Variants in NAALADL2 observed in about 807,000 individuals in gnomAD.
NAALADL2 encodes the protein N-acetylated alpha-linked acidic dipeptidase like 2.
A neutral mutation model predicts 87.2 loss-of-function variants in NAALADL2; 76 were observed. The observed-to-expected ratio is 0.87, with a 90% CI of 0.72 to 1.05. NAALADL2 has a LOEUF of 1.05. Among genes scored for constraint, NAALADL2 ranks in the 50% least tolerant of loss-of-function variants. The pLI, the probability that NAALADL2 is intolerant of heterozygous loss-of-function variation, is 0.00. For synonymous variants in NAALADL2, 354 were observed against 331.0 expected (o/e 1.07, Z -0.75); for missense variants, 1,089 against 945.8 (o/e 1.15, Z -1.99).
intron 1 of NAALADL2, among the ~76,000 whole-genome samples, chr3:175,064,948 T>C (rs191731684): frequency 1.3e-5 from 2 of 152,268 alleles, no homozygotes; most frequent in Non-Finnish European, 2.9e-5. Flanking sequence ...TAATGCGTAG[T>C]TTGAAAAGTA....
At chr3:174,721,127 T>C (rs1731673702) in intron 2 of NAALADL2, among the ~76,000 whole-genome samples, 1 of 152,132 alleles carries the variant, frequency 6.6e-6, no homozygotes, top group African/African-American at 2.4e-5. Flanking sequence ...ATTAACATGT[T>C]ATGCTAATAA....
chr3:175,527,795 A>T (rs921317634), intron 9 of NAALADL2, among the ~76,000 whole-genome samples: 2 of 152,210 alleles, frequency 1.3e-5, no homozygotes, highest in East Asian at 3.8e-4. Flanking sequence ...CATTATATGC[A>T]TTATACATGC....
intron 2 of NAALADL2, among the ~76,000 whole-genome samples, chr3:174,712,058 A>T (rs536083570): frequency 6.6e-6 from 1 of 152,192 alleles, no homozygotes; most frequent in East Asian, 1.9e-4. Flanking sequence ...AAGTGCTGGG[A>T]TTACAGGAGT....
At chr3:174,952,158 C>T (rs1259333071) in intron 1 of NAALADL2, among the ~76,000 whole-genome samples, 3 of 152,156 alleles carry the variant, frequency 2.0e-5, no homozygotes, top group Admixed American at 1.3e-4. Flanking sequence ...TGTGATACCA[C>T]TATGGTAATC....
At chr3:174,750,723 C>T (rs530170432) in intron 3 of NAALADL2, among the ~76,000 whole-genome samples, 7 of 152,132 alleles carry the variant, frequency 4.6e-5, no homozygotes, top group East Asian at 1.9e-4. Context: ...TGTGAGCCAC[C>T]GCACCCGGCC....
intron 13 of NAALADL2, among the ~76,000 whole-genome samples, chr3:175,771,608 A>G (rs573438078): frequency 1.3e-5 from 2 of 152,096 alleles, no homozygotes; most frequent in South Asian, 2.1e-4. Flanking sequence ...CATCACTCCA[A>G]TCTTTGCCTC....
chr3:175,126,044 G>T (rs1335789554), intron 2 of NAALADL2, among the ~76,000 whole-genome samples: 1 of 152,036 alleles, frequency 6.6e-6, no homozygotes, highest in African/African-American at 2.4e-5. Context: ...TTGTCAAAAT[G>T]CCCTTGCTAT....
chr3:174,589,284 C>A (rs1717093980), intron 2 of NAALADL2, among the ~76,000 whole-genome samples: 1 of 152,160 alleles, frequency 6.6e-6, no homozygotes, highest in African/African-American at 2.4e-5. Context: ...TCACGGCTTC[C>A]CTTGGCTAGG....
intron 5 of NAALADL2, among the ~76,000 whole-genome samples, chr3:175,332,301 TA>T (rs1461363000): frequency 6.6e-6 from 1 of 152,118 alleles, no homozygotes; most frequent in Non-Finnish European, 1.5e-5. Flanking sequence ...CTGGAGACAT[TA>T]CAGCACCTGA....
intron 2 of NAALADL2, among the ~76,000 whole-genome samples, chr3:174,657,041 C>CTTTTTTTTTTTTTTT (rs60569510): frequency 8.6e-6 from 1 of 115,818 alleles, no homozygotes; most frequent in African/African-American, 3.5e-5. Context: ...TTTCCTTCTT[C>CTTTTTTTTTTTTTTT]TTTTTTTTTT....
At chr3:175,649,407 G>GA (rs547293804) in intron 11 of NAALADL2, among the ~76,000 whole-genome samples, 5,830 of 128,790 alleles carry the variant, frequency 0.045, 290 homozygotes, top group African/African-American at 0.12. Context: ...AAGTGTCTCT[G>GA]AAAAAAAAAA....
At chr3:174,531,345 C>T (rs116716479) in intron 1 of NAALADL2, among the ~76,000 whole-genome samples, 95 of 152,008 alleles carry the variant, frequency 6.2e-4, no homozygotes, top group African/African-American at 2.1e-3. Flanking sequence ...GAGCACTCAT[C>T]GGTGCAAGAG....
rs771050085 is a variant in NAALADL2, at chr3:175,463,391, A to AT, written c.1235-4dup. 120 of 1,515,660 alleles carry AT rather than the reference A, an allele frequency of 7.9e-5. No homozygotes were observed. In the East Asian group the frequency reaches 2.7e-3, roughly 34 times the overall value. The allele number at this position is 1,515,660 out of a possible 1,614,324, so 93.9% of individuals were successfully genotyped here. On this transcript the variant is annotated splice_polypyrimidine_tract_variant and intron_variant, in intron 6 of 13. Transcript: ENST00000454872. ...AAGAAGCAAAAGTCTTTAAATTTTT[A>AT]TTTTTTCAGAAATAAGAGTCGTCAG...
In NAALADL2 at chr3:174,635,348, A is replaced by G. The variant is rs2218639; in HGVS notation, c.-115+84711A>G. On this transcript the variant is annotated intron_variant, in intron 2 of 3. Transcript: ENST00000434257. ...TATTTTTTTGTTCTCTGTAGCTTTG[A>G]AAGTGCCTTGATAATAGTTACTCAA... Among the ~76,000 whole-genome samples the G allele has an allele frequency of 4.0e-3, 606 of 152,336 alleles. 4 individuals are homozygous for G. Among genetic ancestry groups the G allele is most frequent in the African/African-American group, 0.013 (524 of 41,578 alleles).
chr3:174,463,878 G>A (rs2108296794), intron 1 of NAALADL2, among the ~76,000 whole-genome samples: 1 of 152,182 alleles, frequency 6.6e-6, no homozygotes, highest in African/African-American at 2.4e-5. Context: ...GATTACAGGT[G>A]TGAGCCACCG....
intron 2 of NAALADL2, among the ~76,000 whole-genome samples, chr3:175,117,952 C>T (rs995214144): frequency 1.3e-5 from 2 of 151,956 alleles, no homozygotes; most frequent in Non-Finnish European, 2.9e-5. Context: ...ATGATGAGTT[C>T]ATGTCCTTTG....
rs1343351346 is a variant in NAALADL2, at chr3:174,461,458, A to G, written c.-184+20426A>G. ...TAAGACTGTGGAACAAAATGCTTGC[A>G]CCTTTATCCCCCTTGAATGCTTTGC... is the stretch of plus-strand genomic sequence containing the variant. On this transcript the variant is annotated intron_variant, in intron 1 of 3. Coordinates refer to the NAALADL2 transcript ENST00000434257. Among the ~76,000 whole-genome samples, 12 of 120,720 alleles carry G rather than the reference A, an allele frequency of 9.9e-5. No individual in the cohort carries two copies. The Admixed American group carries it at 1.2e-3, about 12-fold the overall frequency. 79.2% of individuals were successfully genotyped at this position (120,720 alleles called of 152,430 possible).
Position 175,804,276 on chromosome 3 carries a change from TTTC to T in NAALADL2, c.*1079_*1081del, listed in dbSNP as rs1029853236. 6.6e-6 allele frequency: 1 copy of T among 151,892 alleles called. No individual in the cohort carries two copies. Among genetic ancestry groups the T allele is most frequent in the Non-Finnish European group, 1.5e-5 (1 of 67,830 alleles). The allele number at this position is 151,892 out of a possible 1,614,324, so 9.4% of individuals were successfully genotyped here. A position where few individuals can be genotyped will look rare whatever the true frequency, so the allele number is the denominator to read the frequency against. On this transcript the variant is annotated 3_prime_UTR_variant, in exon 14 of 14. Transcript: ENST00000454872. ...TATTATGAAGAAACTTTTCATATTT[TTTC>T]TTCTTTATCCTTAATTGTGACTAAG... is the stretch of plus-strand genomic sequence containing the variant.
At chr3:174,996,357 C>T (rs1026843656) in intron 1 of NAALADL2, among the ~76,000 whole-genome samples, 1 of 151,810 alleles carries the variant, frequency 6.6e-6, no homozygotes, top group African/African-American at 2.4e-5. Flanking sequence ...ATTAGCTGGG[C>T]GTGGTGGCAG....
Sources: allele counts gnomAD v4.1 joint callset (sites outside exome capture counted in the v4.1 genomes callset), GRCh38; gene constraint gnomAD v4.1.1; transcripts MANE v1.5; gene names NCBI Gene and HGNC (gene_info 2026-07-23, HGNC 2026-07-21).